The following MYRF variants were observed in gnomAD, a reference collection of about 807,000 sequenced individuals.
MYRF encodes the protein myelin gene regulatory factor.
MYRF carries 16 observed loss-of-function variants against 126.3 expected under a neutral mutation model. The ratio of observed to expected loss-of-function variants is 0.13; its 90% CI spans 0.09 to 0.19. MYRF has a LOEUF of 0.19. MYRF is among the 10% of genes least tolerant of loss of function. The probability of loss-of-function intolerance (pLI) is 1.00; values close to 1 mark genes in which losing one functional copy is unlikely to be tolerated. For synonymous variants in MYRF, 608 were observed against 635.3 expected, an observed-to-expected ratio of 0.96 and a Z score of 0.65; for missense variants, 1,104 against 1,547.0, an observed-to-expected ratio of 0.71 and a Z score of 4.80.
At position 61,778,228 on chromosome 11, in the gene MYRF, G is replaced by A. The variant is rs972869551; in HGVS notation, c.1904-152G>A. On this transcript the variant is annotated intron_variant, in intron 13 of 26. Coordinates refer to ENST00000278836, the MANE Select transcript of MYRF (RefSeq NM_001127392.3). This position sits in a 1 kb window ranked among gnomAD's most constrained non-coding sequence, Gnocchi z 4.6. ...ATTGCAATCCTGTGAACACTGGTTC[G>A]TGGGATCTCCCTGCTCCAGGGCTCC... The A allele has an allele frequency of 2.5e-5, 16 of 637,690 alleles. No homozygotes were observed. The highest frequency in any genetic ancestry group is 2.1e-4 in the Admixed American group (9 of 41,952). The allele number at this position is 637,690 out of a possible 1,614,324, so 39.5% of individuals were successfully genotyped here.
At chr11:61,767,141 G>C in intron 3 of MYRF, 1 of 456,392 alleles carries the variant, frequency 2.2e-6, no homozygotes, top group Non-Finnish European at 4.4e-6. Context: ...TGAGCTCCCT[G>C]GCTTTTGGGG....
chr11:61,777,199 GC>G lies in MYRF; in HGVS notation c.1591-64del. On this transcript the variant is annotated intron_variant, in intron 11 of 26. Transcript: ENST00000278836. This position sits in a 1 kb window ranked among gnomAD's most constrained non-coding sequence, Gnocchi z 8.8. ...AGGGGCTGCTGTGGAGTTTCCCCCT[GC>G]TCCCAGGGCCCTGCAGGTCCCCTCC... 1 of 1,532,530 alleles carries G rather than the reference GC, an allele frequency of 6.5e-7. No individual in the cohort carries two copies. Among genetic ancestry groups the G allele is most frequent in the East Asian group, 2.3e-5 (1 of 44,070 alleles). 94.9% of individuals were successfully genotyped at this position (1,532,530 alleles called of 1,614,324 possible). A position where few individuals can be genotyped will look rare whatever the true frequency, so the allele number is the denominator to read the frequency against.
At position 61,781,159 on chromosome 11, in the gene MYRF, C is replaced by T. The variant is rs570689697; in HGVS notation, c.2594C>T (p.Ser865Leu). ...LLLVTTSLTS[S>L]APGSAVRTLD... Reference sequence around the variant, plus strand: ...TCAGTGACCACCAGCCTCACCAGCTCGGCCCCAGGTTCTGCTGTCCGCACC... The same window carrying T: ...TCAGTGACCACCAGCCTCACCAGCTTGGCCCCAGGTTCTGCTGTCCGCACC... The change falls in exon 21 of 27, where the codon TCG (serine) becomes TTG (leucine). Residue 865 changes from serine to leucine, a missense_variant. This residue lies in a region of MYRF where 323 missense variants were observed against 383.1 expected (regional missense o/e 0.84). Transcript: ENST00000278836. 2.2e-5 allele frequency: 35 copies of T among 1,613,742 alleles called. No homozygotes were observed. Among genetic ancestry groups the T allele is most frequent in the East Asian group, 4.5e-5 (2 of 44,886 alleles).
chr11:61,778,569 C>A lies in MYRF; in HGVS notation c.2013+80C>A. On this transcript the variant is annotated intron_variant, in intron 14 of 26. Transcript: ENST00000278836. The surrounding 1 kb of genome is among the most constrained non-coding windows in gnomAD (Gnocchi z 4.6). ...GGAACACTCATCACCTCCATAGATA[C>A]TGGGGGCACTGCAAAGCAGAGGCAG... 1 of 1,022,744 alleles carries A rather than the reference C, an allele frequency of 9.8e-7. No homozygotes were observed. The highest frequency in any genetic ancestry group is 1.5e-6 in the Non-Finnish European group (1 of 646,194). 63.4% of individuals were successfully genotyped at this position (1,022,744 alleles called of 1,614,324 possible).
chr11:61,771,415 TAGAGAGGGG>T, intron 5 of MYRF, 76 bp from the exon 6 acceptor site: 1 of 1,531,570 alleles, frequency 6.5e-7, no homozygotes, highest in Non-Finnish European at 8.8e-7. Flanking sequence ...CCAAACAGGC[TAGAGAGGGG>T]AGAGAGGTGG....
intron 8 of MYRF, among the ~76,000 whole-genome samples, chr11:61,775,454 A>C (rs2066351054): frequency 6.6e-6 from 1 of 152,108 alleles, no homozygotes; most frequent in Non-Finnish European, 1.5e-5. Flanking sequence ...ATTGGGAGGC[A>C]CCACAGCACA....
chr11:61,781,662 C>G lies in MYRF; in HGVS notation c.2854C>G (p.His952Asp). Residue 952 changes from histidine to aspartate, a missense_variant, in exon 22 of 27, where the codon CAC (histidine) becomes GAC (aspartate). Physicochemically the swap from His to Asp is moderately conservative, Grantham distance 81. Coordinates refer to ENST00000278836, the MANE Select transcript of MYRF (RefSeq NM_001127392.3). ...CAATGGCATTGGCCACTCCAAGCAT[C>G]ACAAGAGTCTGGAGCCTCTGGCCAG... ...SVNGIGHSKHHKSLEPLASPA... is the reference protein window; with the variant it reads ...SVNGIGHSKHDKSLEPLASPA... The G allele has an allele frequency of 1.9e-6, 3 of 1,613,824 alleles. No homozygotes were observed. Among genetic ancestry groups the G allele is most frequent in the Non-Finnish European group, 2.5e-6 (3 of 1,180,032 alleles).
chr11:61,773,278 G>A (rs895381869), intron 7 of MYRF, among the ~76,000 whole-genome samples: 17 of 152,244 alleles, frequency 1.1e-4, no homozygotes, highest in Middle Eastern at 3.4e-3. Flanking sequence ...GTGAGCCACC[G>A]CACCTGGCCC....
intron 25 of MYRF, 46 bp downstream of exon 25, chr11:61,784,431 T>G (rs749332924): frequency 1.3e-6 from 2 of 1,526,306 alleles, no homozygotes; most frequent in East Asian, 2.3e-5. Context: ...CCGAGCTGCT[T>G]CTCTCCTGGC....
intron 1 of MYRF, among the ~76,000 whole-genome samples, chr11:61,758,621 G>A (rs2065824146): frequency 6.6e-6 from 1 of 152,206 alleles, no homozygotes; most frequent in African/African-American, 2.4e-5. Flanking sequence ...TGCGTGTCCT[G>A]GCATATACAC....
chr11:61,756,948 G>T, intron 1 of MYRF: 1 of 351,324 alleles, frequency 2.8e-6, no homozygotes, highest in Non-Finnish European at 5.7e-6. Context: ...AGAGGCTGCT[G>T]GGTAACAGCC....
At position 61,776,689 on chromosome 11, in the gene MYRF, T is replaced by C. The variant is rs1221008210; in HGVS notation, c.1500-98T>C. ...GGTGGAGGCTCGGGTTCCTCCTCTG[T>C]AGGAGGGGGTGAGATGAACATGCAT... On this transcript the variant is annotated intron_variant, in intron 10 of 26. Coordinates refer to ENST00000278836, the MANE Select transcript of MYRF (RefSeq NM_001127392.3). The surrounding 1 kb of genome is among the most constrained non-coding windows in gnomAD (Gnocchi z 4.3). 1.0e-6 allele frequency: 1 copy of C among 994,158 alleles called. No homozygotes were observed. The highest frequency in any genetic ancestry group is 1.6e-5 in the African/African-American group (1 of 61,072). 61.6% of individuals were successfully genotyped at this position (994,158 alleles called of 1,614,324 possible).
chr11:61,784,082 C>A, intron 24 of MYRF, 157 bp downstream of exon 24: 2 of 1,046,150 alleles, frequency 1.9e-6, no homozygotes, highest in East Asian at 2.6e-5. Context: ...TCGTGGTTAA[C>A]TGGCTAAATG....
rs141802683 is a variant in MYRF, at chr11:61,783,547, G to A, written c.3066G>A (p.Leu1022=). 1 of 1,613,794 alleles carries A rather than the reference G, an allele frequency of 6.2e-7. No homozygotes were observed. The change falls in exon 23 of 27, where the codon CTG becomes CTA. Residue 1022 remains leucine, a synonymous_variant. Coordinates refer to ENST00000278836, the MANE Select transcript of MYRF (RefSeq NM_001127392.3). The surrounding 1 kb of genome is among the most constrained non-coding windows in gnomAD (Gnocchi z 4.6). The part of the protein sequence containing the change: ...PVPSLTSIQV[L]ENSMSITSQY... ...CCTCCCTGACCTCCATCCAGGTGCT[G>A]GAGAATTCGATGTCCATCACCTCCC...
chr11:61,755,263 C>T (rs1400752295), intron 1 of MYRF: 1 of 1,069,198 alleles, frequency 9.4e-7, no homozygotes, highest in East Asian at 2.6e-5. Context: ...GGGCTGGGGG[C>T]TAAGGCGCTT....
chr11:61,777,624 T>C lies in MYRF; in HGVS notation c.1792-110T>C. 2.3e-6 allele frequency: 3 copies of C among 1,294,602 alleles called. No homozygotes were observed. Among genetic ancestry groups the C allele is most frequent in the Non-Finnish European group, 2.1e-6 (2 of 930,786 alleles). 80.2% of individuals were successfully genotyped at this position (1,294,602 alleles called of 1,614,324 possible). The stretch of plus-strand genomic sequence containing the variant: ...AATCCCGATCTAACCACTCCAGTGG[T>C]GGGGTCTCCTCTCCACACTGCAGCC... On this transcript the variant is annotated intron_variant, in intron 12 of 26. Transcript: ENST00000278836. This position sits in a 1 kb window ranked among gnomAD's most constrained non-coding sequence, Gnocchi z 8.8.
In MYRF at chr11:61,777,810, C is replaced by T. The variant is rs754303091; in HGVS notation, c.1868C>T (p.Ala623Val). 6.4e-7 allele frequency: 1 copy of T among 1,552,410 alleles called. No homozygotes were observed. The highest frequency in any genetic ancestry group is 1.2e-5 in the South Asian group (1 of 84,120). The change falls in exon 13 of 27, where the codon GCC becomes GTC. Residue 623 changes from alanine (A) to valine (V), a missense_variant. By Grantham distance (64) the Ala-to-Val change is moderately conservative (BLOSUM62 0). Transcript: ENST00000278836. This position sits in a 1 kb window ranked among gnomAD's most constrained non-coding sequence, Gnocchi z 8.8. The part of the protein sequence containing the change: ...VHYRYKPEFA[A>V]SAGIEATAPE... Reference sequence around the variant, plus strand: ...TACAGATACAAGCCCGAGTTCGCCGCCAGCGCGGGCATCGAGGCCACCGCG... The same window carrying T: ...TACAGATACAAGCCCGAGTTCGCCGTCAGCGCGGGCATCGAGGCCACCGCG...
At position 61,776,018 on chromosome 11, in the gene MYRF, G is replaced by T. The variant is rs758218034; in HGVS notation, c.1312-38G>T. On this transcript the variant is annotated intron_variant, in intron 8 of 26. Coordinates refer to ENST00000278836, the MANE Select transcript of MYRF (RefSeq NM_001127392.3). The surrounding 1 kb of genome is among the most constrained non-coding windows in gnomAD (Gnocchi z 4.3). ...GCAGGAGGGCAGGACCAGCCGGGTA[G>T]CCCCATCCTGAGGTGCCACTGGCTT... is the stretch of plus-strand genomic sequence containing the variant. 2.4e-5 allele frequency: 39 copies of T among 1,604,216 alleles called. No homozygotes were observed. Among genetic ancestry groups the T allele is most frequent in the Non-Finnish European group, 3.2e-5 (38 of 1,171,504 alleles).
At position 61,777,825 on chromosome 11, in the gene MYRF, A is replaced by G; in HGVS notation, c.1883A>G (p.Glu628Gly). ...GAGTTCGCCGCCAGCGCGGGCATCGAGGCCACCGCGCCAGAGACAGGTAGG... is the reference window on the plus strand; with the variant it reads ...GAGTTCGCCGCCAGCGCGGGCATCGGGGCCACCGCGCCAGAGACAGGTAGG... ...KPEFAASAGIEATAPETGVIA... is the reference protein window; with the variant it reads ...KPEFAASAGIGATAPETGVIA... The change falls in exon 13 of 27, where the codon GAG becomes GGG. Residue 628 changes from glutamate to glycine, a missense_variant. Physicochemically the swap from Glu to Gly is moderately conservative, Grantham distance 98. Transcript: ENST00000278836. This position sits in a 1 kb window ranked among gnomAD's most constrained non-coding sequence, Gnocchi z 8.8. 6.4e-7 allele frequency: 1 copy of G among 1,552,216 alleles called. No homozygotes were observed. Among genetic ancestry groups the G allele is most frequent in the Non-Finnish European group, 8.7e-7 (1 of 1,147,484 alleles).
Sources: allele counts gnomAD v4.1 joint callset (sites outside exome capture counted in the v4.1 genomes callset), GRCh38; gene constraint gnomAD v4.1.1; regional missense constraint gnomAD v4.1.1; non-coding constraint Gnocchi (gnomAD v3.1); transcripts MANE v1.5; gene names NCBI Gene and HGNC (gene_info 2026-07-23, HGNC 2026-07-21).